MYO3B: variants seen among roughly 807,000 people sequenced by gnomAD.
MYO3B encodes myosin IIIB.
MYO3B carries 156 observed loss-of-function variants against 174.6 expected under a neutral mutation model. The observed-to-expected ratio is 0.89, with a 90% CI of 0.78 to 1.02. The LOEUF (loss-of-function observed/expected upper bound fraction) is 1.02. MYO3B is among the 50% of genes least tolerant of loss of function. The probability of loss-of-function intolerance (pLI) is 0.00; values close to 1 mark genes in which losing one functional copy is unlikely to be tolerated. For missense variants in MYO3B, 1,632 were observed against 1,639.4 expected (o/e 1.00, Z 0.08); for synonymous variants, 563 against 569.1 (o/e 0.99, Z 0.15).
chr2:170,439,075 G>GT (rs369103393), intron 22 of MYO3B, among the ~76,000 whole-genome samples: 33,091 of 131,654 alleles, frequency 0.25, 4,595 homozygotes, highest in Middle Eastern at 0.34. Flanking sequence ...TATTTAAATT[G>GT]TTTTTTTTTT....
At chr2:170,339,957 AC>A (rs1338630960) in intron 8 of MYO3B, among the ~76,000 whole-genome samples, 4 of 152,094 alleles carry the variant, frequency 2.6e-5, no homozygotes, top group African/African-American at 4.8e-5. Context: ...CCTTTCCCCT[AC>A]GACTAAAGCT....
At chr2:170,255,271 A>C (rs2093294654) in intron 7 of MYO3B, among the ~76,000 whole-genome samples, 1 of 152,118 alleles carries the variant, frequency 6.6e-6, no homozygotes, top group Non-Finnish European at 1.5e-5. Context: ...GTGCAATGTC[A>C]GTCATTGTAG....
rs1289881859 is a variant in MYO3B at position 170,200,171 on chromosome 2, G to A, written c.208G>A (p.Ala70Thr). 6.2e-7 allele frequency: 1 copy of A among 1,612,748 alleles called. No individual in the cohort carries two copies. The highest frequency in any genetic ancestry group is 8.5e-7 in the Non-Finnish European group (1 of 1,179,372). The change falls in exon 3 of 35, where the codon GCA becomes ACA. Residue 70 changes from alanine (A) to threonine (T), a missense_variant. Coordinates refer to ENST00000408978, the MANE Select transcript of MYO3B (RefSeq NM_138995.5). ...PVSDMDEEIEAEYNILQFLPN... is the reference protein window; with the variant it reads ...PVSDMDEEIETEYNILQFLPN... Reference sequence around the variant, plus strand: ...TTAGGATATGGATGAAGAAATTGAGGCAGAATACAACATTTTGCAGTTCCT... The same window carrying A: ...TTAGGATATGGATGAAGAAATTGAGACAGAATACAACATTTTGCAGTTCCT...
intron 23 of MYO3B, among the ~76,000 whole-genome samples, chr2:170,444,805 T>G: frequency 6.6e-6 from 1 of 152,326 alleles, no homozygotes; most frequent in Middle Eastern, 3.4e-3. Flanking sequence ...CCAATATTGC[T>G]ATTATAATTC....
chr2:170,256,771 G>A (rs2093308306), intron 7 of MYO3B, among the ~76,000 whole-genome samples: 1 of 152,074 alleles, frequency 6.6e-6, no homozygotes, highest in South Asian at 2.1e-4. Context: ...AACCTTGAAT[G>A]TTAATGGTCT....
Position 170,200,169 on chromosome 2 carries a change from A to G in MYO3B, c.206A>G (p.Glu69Gly), listed in dbSNP as rs1231928527. The G allele has an allele frequency of 2.5e-6, 4 of 1,612,910 alleles. No individual in the cohort carries two copies. The South Asian group carries it at 3.3e-5, about 13-fold the overall frequency. ...DPVSDMDEEI[E>G]AEYNILQFLP... ...GTTTAGGATATGGATGAAGAAATTG[A>G]GGCAGAATACAACATTTTGCAGTTC... The change falls in exon 3 of 35, where the codon GAG (glutamate) becomes GGG (glycine). Residue 69 changes from glutamate to glycine, a missense_variant. Coordinates refer to ENST00000408978, the MANE Select transcript of MYO3B (RefSeq NM_138995.5).
At chr2:170,618,382 G>A (rs912104650) in intron 32 of MYO3B, among the ~76,000 whole-genome samples, 13 of 152,186 alleles carry the variant, frequency 8.5e-5, no homozygotes, top group South Asian at 2.1e-4. Flanking sequence ...GACCTGGATC[G>A]CTGGAGACAA....
chr2:170,649,368 A>AT (rs1455387156), intron 32 of MYO3B, among the ~76,000 whole-genome samples: 9 of 53,162 alleles, frequency 1.7e-4, no homozygotes, highest in African/African-American at 4.2e-4. Context: ...TATATTATAT[A>AT]AAAATATAAA....
chr2:170,621,223 A>G (rs1272070524), intron 32 of MYO3B, among the ~76,000 whole-genome samples: 1 of 152,152 alleles, frequency 6.6e-6, no homozygotes, highest in Non-Finnish European at 1.5e-5. Flanking sequence ...ATAGTCCAGG[A>G]CAACAGTTGT....
intron 3 of MYO3B, among the ~76,000 whole-genome samples, chr2:170,203,750 A>G (rs914415358): frequency 3.9e-5 from 6 of 152,070 alleles, no homozygotes; most frequent in Non-Finnish European, 8.8e-5. Context: ...ATTTTGATTG[A>G]CCAGAAGTGG....
At chr2:170,422,977 CTTTTTTTTTTTTT>C (rs34882424) in intron 22 of MYO3B, among the ~76,000 whole-genome samples, 1 of 88,506 alleles carries the variant, frequency 1.1e-5, no homozygotes, top group South Asian at 4.2e-4. Context: ...TTCTTTCTTT[CTTTTTTTTTTTTT>C]TTTTTTTTGA....
chr2:170,569,896 G>C (rs930787466), intron 32 of MYO3B, among the ~76,000 whole-genome samples: 2 of 150,608 alleles, frequency 1.3e-5, no homozygotes, highest in African/African-American at 4.9e-5. Context: ...AAAACTGAGA[G>C]TCATGGAAAC....
chr2:170,601,647 T>C lies in MYO3B; in HGVS notation c.3734-49981T>C, dbSNP rs554719165. 1.4e-4 allele frequency: 180 copies of C among 1,331,790 alleles called. No individual in the cohort carries two copies. The Middle Eastern group carries it at 1.5e-3, about 11-fold the overall frequency. The allele number at this position is 1,331,790 out of a possible 1,614,324, so 82.5% of individuals were successfully genotyped here. On this transcript the variant is annotated intron_variant, in intron 32 of 34. Coordinates refer to ENST00000408978, the MANE Select transcript of MYO3B (RefSeq NM_138995.5). Reference sequence around the variant, plus strand: ...ATCTTCTTCATCTTCCTCCTCATAATCCTCTTCATCTTCTGTCCTCCTCTT... The same window carrying C: ...ATCTTCTTCATCTTCCTCCTCATAACCCTCTTCATCTTCTGTCCTCCTCTT...
At chr2:170,386,067 A>G (rs2105749480) in intron 12 of MYO3B, 122 bp from the exon 13 acceptor site, 2 of 688,766 alleles carry the variant, frequency 2.9e-6, no homozygotes, top group Non-Finnish European at 2.5e-6. Context: ...CTGAAATAGG[A>G]AGATGCCTAA....
intron 9 of MYO3B, among the ~76,000 whole-genome samples, chr2:170,377,032 A>G (rs1309499744): frequency 6.6e-6 from 1 of 152,152 alleles, no homozygotes; most frequent in Non-Finnish European, 1.5e-5. Context: ...ACCTACCTAC[A>G]TGGAAGCCTC....
intron 7 of MYO3B, among the ~76,000 whole-genome samples, chr2:170,253,263 T>C (rs2093272337): frequency 6.6e-6 from 1 of 152,150 alleles, no homozygotes; most frequent in Admixed American, 6.6e-5. Flanking sequence ...GAGGTGGTGC[T>C]GACAGGATTG....
intron 7 of MYO3B, among the ~76,000 whole-genome samples, chr2:170,316,464 G>C (rs747136042): frequency 2.0e-5 from 3 of 152,246 alleles, no homozygotes; most frequent in Non-Finnish European, 2.9e-5. Flanking sequence ...AATCTGAAAA[G>C]GTCATCTTAT....
At chr2:170,529,556 T>C (rs1362943421) in intron 30 of MYO3B, among the ~76,000 whole-genome samples, 4 of 152,124 alleles carry the variant, frequency 2.6e-5, no homozygotes, top group African/African-American at 9.7e-5. Flanking sequence ...TAAGAAAATC[T>C]GATCTCTAAC....
chr2:170,383,297 A>G (rs1162015384), intron 11 of MYO3B, 108 bp downstream of exon 11: 2 of 707,406 alleles, frequency 2.8e-6, no homozygotes, highest in South Asian at 1.9e-5. Flanking sequence ...CCCTAGATGT[A>G]TATACTCCAA....
Sources: gnomAD v4.1 joint callset for allele counts (sites outside exome capture counted in the v4.1 genomes callset) on GRCh38, gnomAD v4.1.1 for gene constraint, MANE v1.5 for transcripts, NCBI Gene and HGNC (gene_info 2026-07-23, HGNC 2026-07-21) for gene names.